The following SLC8A3 variants were observed in gnomAD, a reference collection of about 807,000 sequenced individuals.
SLC8A3 encodes the protein sodium/calcium exchanger 3.
In SLC8A3, 37 loss-of-function variants were observed where a neutral mutation model predicts 65.4. The ratio of observed to expected loss-of-function variants is 0.57; its 90% CI spans 0.44 to 0.74. The LOEUF is 0.74. Among genes scored for constraint, SLC8A3 ranks in the 30% least tolerant of loss-of-function variants. The pLI, the probability that SLC8A3 is intolerant of heterozygous loss-of-function variation, is 0.00. For missense variants in SLC8A3, 1,112 were observed against 1,172.1 expected, an observed-to-expected ratio of 0.95 and a Z score of 0.75; for synonymous variants, 461 against 444.5, an observed-to-expected ratio of 1.04 and a Z score of -0.47.
chr14:70,151,495 T>G (rs986374777), intron 2 of SLC8A3, among the ~76,000 whole-genome samples: 7 of 132,230 alleles, frequency 5.3e-5, no homozygotes, highest in African/African-American at 2.1e-4. Context: ...TACTCCTGCC[T>G]TGAGAGCTGT....
At chr14:70,169,700 G>A (rs561385469) in intron 1 of SLC8A3, among the ~76,000 whole-genome samples, 4 of 143,854 alleles carry the variant, frequency 2.8e-5, no homozygotes, top group African/African-American at 7.6e-5. Context: ...GTGGGGGGGG[G>A]GGCGATCTTT....
At position 70,048,876 on chromosome 14, in the gene SLC8A3, G is replaced by A. The variant is rs375242020; in HGVS notation, c.2280C>T (p.Gly760=). ...ACFAVSILII[G]MLTAIIGDLA... Reference sequence around the variant, plus strand: ...GGTCCCCAATGATGGCGGTGAGCATGCCAATGATGAGGATGGAGACGGCGA... The same window carrying A: ...GGTCCCCAATGATGGCGGTGAGCATACCAATGATGAGGATGGAGACGGCGA... Residue 760 remains glycine, a synonymous_variant, in exon 6 of 7, where the codon GGC becomes GGT. Coordinates refer to ENST00000356921, the MANE Select transcript of SLC8A3 (RefSeq NM_182932.3). 5 of 1,614,050 alleles carry A rather than the reference G, an allele frequency of 3.1e-6. No homozygotes were observed. In the African/African-American group the frequency reaches 5.3e-5, roughly 17 times the overall value.
Position 70,166,972 on chromosome 14 carries a change from A to T in SLC8A3, c.1451T>A (p.Leu484Ter). Residue 484 changes from leucine (L) to a stop codon, truncating the protein, a stop_gained, in exon 2 of 7, where the codon TTG becomes TAG. Transcript: ENST00000356921. LOFTEE classifies it high-confidence loss of function. ...CTCCTCCTCTATGCGGACATTGCTC[A>T]ACCTTACAAAGAAGTGTTCATCCTC... ...FEEDEHFFVR[L>*]SNVRIEEEQP... 1.2e-6 allele frequency: 2 copies of T among 1,614,166 alleles called. No homozygotes were observed. The highest frequency in any genetic ancestry group is 1.7e-6 in the Non-Finnish European group (2 of 1,180,034).
chr14:70,048,717 T>C (rs1439761181), intron 6 of SLC8A3, 50 bp downstream of exon 6: 1 of 1,542,736 alleles, frequency 6.5e-7, no homozygotes, highest in Non-Finnish European at 8.9e-7. Flanking sequence ...CAGGGGTCAT[T>C]TGAACCAGGT....
At chr14:70,112,950 G>A (rs764577498) in intron 2 of SLC8A3, among the ~76,000 whole-genome samples, 1 of 78,240 alleles carries the variant, frequency 1.3e-5, no homozygotes, top group Non-Finnish European at 2.8e-5. Flanking sequence ...CTTTACTCTG[G>A]TATGACCTCA....
intron 2 of SLC8A3, among the ~76,000 whole-genome samples, chr14:70,072,829 G>A (rs907538508): frequency 3.3e-5 from 5 of 152,072 alleles, no homozygotes; most frequent in African/African-American, 7.2e-5. Flanking sequence ...TGTATTTTTA[G>A]TCGAGATGGG....
intron 1 of SLC8A3, among the ~76,000 whole-genome samples, chr14:70,173,746 A>C (rs1383279566): frequency 2.0e-5 from 3 of 152,154 alleles, no homozygotes; most frequent in Non-Finnish European, 4.4e-5. Flanking sequence ...ACCCGAGTCC[A>C]AGCACACTGC....
At chr14:70,056,036 GC>G (rs1328860733) in intron 3 of SLC8A3, among the ~76,000 whole-genome samples, 1 of 152,200 alleles carries the variant, frequency 6.6e-6, no homozygotes, top group Non-Finnish European at 1.5e-5. Flanking sequence ...GAGCACCAGG[GC>G]CCTGGTAAGG....
intron 1 of SLC8A3, among the ~76,000 whole-genome samples, chr14:70,175,886 C>A (rs1897877097): frequency 1.3e-5 from 2 of 152,184 alleles, no homozygotes; most frequent in South Asian, 2.1e-4. Context: ...AGGTGTGCAC[C>A]ACCACATCTG....
At chr14:70,103,214 G>A (rs1407607211) in intron 2 of SLC8A3, among the ~76,000 whole-genome samples, 3 of 151,810 alleles carry the variant, frequency 2.0e-5, no homozygotes, top group Non-Finnish European at 2.9e-5. Context: ...TTTCAAAAAC[G>A]AAGGCAAAAT....
intron 2 of SLC8A3, among the ~76,000 whole-genome samples, chr14:70,091,511 A>G (rs17107773): frequency 0.025 from 3,739 of 152,072 alleles, 144 homozygotes; most frequent in African/African-American, 0.086. Context: ...CATTTTCTTG[A>G]AGCTGGTACT....
Position 70,138,309 on chromosome 14 carries a change from A to T in SLC8A3, c.1784+28330T>A, listed in dbSNP as rs186185482. 3.9e-5 allele frequency among the ~76,000 whole-genome samples: 6 copies of T among 152,306 alleles called. No individual in the cohort carries two copies. In the East Asian group the frequency reaches 1.2e-3, roughly 29 times the overall value. On this transcript the variant is annotated intron_variant, in intron 2 of 6. Coordinates refer to ENST00000356921, the MANE Select transcript of SLC8A3 (RefSeq NM_182932.3). ...GGCAGGGATTGTATCTTCTTTGTTC[A>T]CTGCTGCATCTTCAGTACCTAGAAG...
chr14:70,110,501 G>C (rs889764902), intron 2 of SLC8A3, among the ~76,000 whole-genome samples: 3 of 152,006 alleles, frequency 2.0e-5, no homozygotes, highest in Non-Finnish European at 4.4e-5. Context: ...TTCCATCCAT[G>C]TTGTTGCTAA....
chr14:70,184,966 C>CT (rs11337843), intron 1 of SLC8A3, among the ~76,000 whole-genome samples: 1,217 of 108,638 alleles, frequency 0.011, 16 homozygotes, highest in Non-Finnish European at 0.015. Flanking sequence ...TTTTTCTTTT[C>CT]TTTTTTTTTT....
chr14:70,166,135 C>G (rs1292853597), intron 2 of SLC8A3, among the ~76,000 whole-genome samples: 1 of 152,234 alleles, frequency 6.6e-6, no homozygotes, highest in African/African-American at 2.4e-5. Flanking sequence ...CACAGTGAGA[C>G]TGGCAATATA....
chr14:70,110,970 G>A (rs577923515), intron 2 of SLC8A3, among the ~76,000 whole-genome samples: 6 of 152,198 alleles, frequency 3.9e-5, no homozygotes, highest in Middle Eastern at 3.4e-3. Context: ...GTGAGCCACC[G>A]CGCCCGGCTG....
intron 2 of SLC8A3, among the ~76,000 whole-genome samples, chr14:70,153,813 C>T (rs969565623): frequency 3.9e-5 from 6 of 152,234 alleles, no homozygotes; most frequent in African/African-American, 9.6e-5. Context: ...ATCACTGCCC[C>T]GTCTAGCCCT....
intron 2 of SLC8A3, among the ~76,000 whole-genome samples, chr14:70,069,093 C>T (rs1049490024): frequency 6.6e-6 from 1 of 152,180 alleles, no homozygotes; most frequent in Non-Finnish European, 1.5e-5. Flanking sequence ...AGTCGCACAG[C>T]TATTAAGCAG....
At position 70,051,017 on chromosome 14, in the gene SLC8A3, C is replaced by A. The variant is rs749874510; in HGVS notation, c.2104G>T (p.Val702Phe). 6.2e-7 allele frequency: 1 copy of A among 1,607,856 alleles called. No individual in the cohort carries two copies. Among genetic ancestry groups the A allele is most frequent in the South Asian group, 1.1e-5 (1 of 90,972 alleles). ...CTGAGACACTTCTCACCTGCACTGA[C>A]GGTGATGGCCTCCATGAACTGGTCC... Reference protein sequence around the residue: ...WRDQFMEAITVSAAGDEDEDE... With the variant: ...WRDQFMEAITFSAAGDEDEDE... Residue 702 changes from valine (V) to phenylalanine (F), a missense_variant, in exon 5 of 7, where the codon GTC becomes TTC. Transcript: ENST00000356921.
Sources: allele counts gnomAD v4.1 joint callset (sites outside exome capture counted in the v4.1 genomes callset), GRCh38; gene constraint gnomAD v4.1.1; transcripts MANE v1.5; gene names NCBI Gene and HGNC (gene_info 2026-07-23, HGNC 2026-07-21).